AFG2A: variants seen among roughly 807,000 people sequenced by gnomAD.
AFG2A encodes the protein ATPase family gene 2 protein homolog A.
chr4:123,134,097 G>A, the AFG2A span, among the ~76,000 whole-genome samples: 14 of 152,092 alleles, frequency 9.2e-5, no homozygotes, highest in African/African-American at 3.4e-4. Context: ...TGTTTCTTTG[G>A]TGTGCAGAAG....
At chr4:123,206,411 C>T in the AFG2A span, among the ~76,000 whole-genome samples, 2 of 152,042 alleles carry the variant, frequency 1.3e-5, no homozygotes, top group Non-Finnish European at 2.9e-5. Context: ...GGTTTATTTA[C>T]TAGATGAAGT....
chr4:123,269,124 G>C, the AFG2A span, among the ~76,000 whole-genome samples: 1 of 152,244 alleles, frequency 6.6e-6, no homozygotes, highest in South Asian at 2.1e-4. Context: ...CAGTGTTACT[G>C]TTTTCTATAA....
the AFG2A span, among the ~76,000 whole-genome samples, chr4:123,079,745 CT>C: frequency 4.3e-3 from 313 of 72,650 alleles, 1 homozygote; most frequent in African/African-American, 0.016. Context: ...TCTTTTCCTT[CT>C]TTTTTTTTTT....
chr4:123,060,384 C>G, the AFG2A span, among the ~76,000 whole-genome samples: 1 of 152,250 alleles, frequency 6.6e-6, no homozygotes, highest in Non-Finnish European at 1.5e-5. Flanking sequence ...GCCCCTGCAG[C>G]ACACCTCTGC....
the AFG2A span, among the ~76,000 whole-genome samples, chr4:123,201,077 A>G: frequency 3.3e-5 from 5 of 152,238 alleles, no homozygotes; most frequent in East Asian, 3.8e-4. Context: ...TTCCTTGCCT[A>G]TGTTCTTTAC....
chr4:122,941,241 G>A, the AFG2A span, among the ~76,000 whole-genome samples: 3 of 151,620 alleles, frequency 2.0e-5, no homozygotes, highest in African/African-American at 2.4e-5. Flanking sequence ...CCATTTTCAC[G>A]ATATTGATTC....
chr4:122,975,457 G>T, the AFG2A span, among the ~76,000 whole-genome samples: 4 of 152,088 alleles, frequency 2.6e-5, no homozygotes, highest in Non-Finnish European at 4.4e-5. Flanking sequence ...AATTGTAAAG[G>T]GTCTGAGATT....
chr4:123,091,112 A>G, the AFG2A span, among the ~76,000 whole-genome samples: 3,525 of 152,282 alleles, frequency 0.023, 134 homozygotes, highest in African/African-American at 0.08. Flanking sequence ...CACTGGGCTA[A>G]AGTGTTGGAG....
At chr4:123,022,951 C>T in the AFG2A span, among the ~76,000 whole-genome samples, 382 of 150,472 alleles carry the variant, frequency 2.5e-3, no homozygotes, top group Non-Finnish European at 3.8e-3. Context: ...AACCAAACAC[C>T]GCATGTTCTC....
chr4:122,954,356 A>T, the AFG2A span, among the ~76,000 whole-genome samples: 1 of 152,202 alleles, frequency 6.6e-6, no homozygotes, highest in African/African-American at 2.4e-5. Context: ...ATAGTGGTGT[A>T]GTGCTGCATT....
the AFG2A span, among the ~76,000 whole-genome samples, chr4:123,035,840 G>C: frequency 0.014 from 2,083 of 152,072 alleles, 49 homozygotes; most frequent in African/African-American, 0.047. Context: ...AAGACCTAGA[G>C]AGATTTAGAA....
At chr4:123,261,351 G>A in the AFG2A span, among the ~76,000 whole-genome samples, 1 of 152,096 alleles carries the variant, frequency 6.6e-6, no homozygotes, top group African/African-American at 2.4e-5. Context: ...GTATCTGCAA[G>A]TTCCATCTGC....
the AFG2A span, among the ~76,000 whole-genome samples, chr4:123,023,608 T>G: frequency 7.1e-6 from 1 of 140,528 alleles, no homozygotes; most frequent in South Asian, 2.1e-4. Flanking sequence ...ATTATTTACC[T>G]TTTCCACACA....
At chr4:122,998,388 G>A in the AFG2A span, among the ~76,000 whole-genome samples, 1 of 151,886 alleles carries the variant, frequency 6.6e-6, no homozygotes, top group African/African-American at 2.4e-5. Flanking sequence ...GTATACATGT[G>A]CCATGCTGGT....
chr4:122,965,071 A>G, the AFG2A span, among the ~76,000 whole-genome samples: 1 of 152,204 alleles, frequency 6.6e-6, no homozygotes, highest in Non-Finnish European at 1.5e-5. Flanking sequence ...GTATATCATT[A>G]GCAAATTTTA....
At chr4:122,978,960 G>A in the AFG2A span, among the ~76,000 whole-genome samples, 2 of 152,234 alleles carry the variant, frequency 1.3e-5, no homozygotes, top group African/African-American at 4.8e-5. Flanking sequence ...GTTCTCGAGA[G>A]TGGAGGGATA....
the AFG2A span, among the ~76,000 whole-genome samples, chr4:123,089,148 G>A: frequency 6.6e-6 from 1 of 152,166 alleles, no homozygotes; most frequent in African/African-American, 2.4e-5. Flanking sequence ...ATTAGTGTGA[G>A]TTAGAGGCTA....
the AFG2A span, among the ~76,000 whole-genome samples, chr4:123,017,453 T>C: frequency 1.0e-5 from 1 of 96,810 alleles, no homozygotes; most frequent in African/African-American, 3.5e-5. Context: ...TTTTTTGCTT[T>C]TCACTATATA....
the AFG2A span, among the ~76,000 whole-genome samples, chr4:122,959,040 G>A: frequency 6.6e-6 from 1 of 152,080 alleles, no homozygotes; most frequent in African/African-American, 2.4e-5. Context: ...GCTGATTCCT[G>A]TAGGTCCAGA....
Sources: allele counts gnomAD v4.1 joint callset (sites outside exome capture counted in the v4.1 genomes callset), GRCh38; gene constraint gnomAD v4.1.1; transcripts MANE v1.5; gene names NCBI Gene and HGNC (gene_info 2026-07-23, HGNC 2026-07-21).